KAZN: variants seen among roughly 807,000 people sequenced by gnomAD.
KAZN encodes kazrin, periplakin interacting protein.
Under a neutral mutation model 87.4 loss-of-function variants are expected in KAZN, and 40 were observed. The observed-to-expected ratio is 0.46, with a 90% confidence interval of 0.36 to 0.60. The LOEUF (loss-of-function observed/expected upper bound fraction) is 0.60. KAZN is among the 20% of genes least tolerant of loss of function. The probability of loss-of-function intolerance (pLI) is 0.00; values close to 1 mark genes in which losing one functional copy is unlikely to be tolerated. For missense variants in KAZN, 898 were observed against 1,073.9 expected (o/e 0.84, Z 2.29); for synonymous variants, 466 against 458.3 (o/e 1.02, Z -0.22).
chr1:15,062,256 T>C (rs1446581230), intron 6 of KAZN: 1 of 152,572 alleles, frequency 6.6e-6, no homozygotes, highest in Non-Finnish European at 1.5e-5. Flanking sequence ...GTTGTCTGCA[T>C]ACAGGCGTTT....
At chr1:14,203,321 G>T (rs924620401) in intron 2 of KAZN, among the ~76,000 whole-genome samples, 6 of 151,984 alleles carry the variant, frequency 3.9e-5, no homozygotes, top group Admixed American at 2.6e-4. Context: ...ATGGCTTCAG[G>T]GCACAGCCAT....
chr1:15,024,315 G>GGTC (rs1279457011), intron 2 of KAZN, among the ~76,000 whole-genome samples: 1 of 152,234 alleles, frequency 6.6e-6, no homozygotes, highest in East Asian at 1.9e-4. Flanking sequence ...CACACTCAGA[G>GGTC]GTCGTTGGCG....
chr1:14,822,107 G>A (rs773076136), intron 1 of KAZN, among the ~76,000 whole-genome samples: 2 of 152,214 alleles, frequency 1.3e-5, no homozygotes, highest in African/African-American at 2.4e-5. Context: ...CCACAACAGC[G>A]ACCCTTCTTG....
At chr1:14,467,821 C>A (rs1263937650) in intron 2 of KAZN, among the ~76,000 whole-genome samples, 1 of 152,116 alleles carries the variant, frequency 6.6e-6, no homozygotes, top group African/African-American at 2.4e-5. Context: ...CTCATGATGG[C>A]CCCCAGAAGC....
intron 1 of KAZN, among the ~76,000 whole-genome samples, chr1:14,726,669 A>G (rs1277311088): frequency 1.3e-5 from 2 of 152,018 alleles, no homozygotes; most frequent in Non-Finnish European, 2.9e-5. Flanking sequence ...TGCAATTCCT[A>G]GAAGGTCAGA....
intron 1 of KAZN, among the ~76,000 whole-genome samples, chr1:14,866,315 C>T (rs1247502098): frequency 6.6e-6 from 1 of 152,212 alleles, no homozygotes. Flanking sequence ...AAGCAAGCAT[C>T]CCGATCTCCC....
intron 2 of KAZN, among the ~76,000 whole-genome samples, chr1:14,271,365 T>C (rs1651912782): frequency 6.6e-6 from 1 of 152,222 alleles, no homozygotes; most frequent in African/African-American, 2.4e-5. Flanking sequence ...GCTTATACAC[T>C]GTGAGGCTGT....
At chr1:15,059,514 T>C (rs1638595924) in intron 5 of KAZN, among the ~76,000 whole-genome samples, 1 of 151,996 alleles carries the variant, frequency 6.6e-6, no homozygotes, top group African/African-American at 2.4e-5. Context: ...TGGCCCATGC[T>C]CTGGTGTGTA....
At position 14,053,080 on chromosome 1, in the gene KAZN, T is replaced by C. The variant is rs1327693757; in HGVS notation, c.92-127355T>C. 2.6e-5 allele frequency among the ~76,000 whole-genome samples: 4 copies of C among 152,220 alleles called. No homozygotes were observed. The East Asian group carries it at 5.8e-4, about 22-fold the overall frequency. On this transcript the variant is annotated intron_variant, in intron 1 of 16. Coordinates refer to the KAZN transcript ENST00000636203. The stretch of plus-strand genomic sequence containing the variant: ...GTGGTGGGATGCCACCCCGTGAGTC[T>C]GTGATGTTACATGGCAGTGGTCACG...
At chr1:14,107,973 T>C (rs1644415479) in intron 1 of KAZN, among the ~76,000 whole-genome samples, 1 of 152,156 alleles carries the variant, frequency 6.6e-6, no homozygotes, top group Non-Finnish European at 1.5e-5. Flanking sequence ...GTGAGGGGAT[T>C]GTGCAAGATT....
chr1:14,540,065 C>T (rs773973890), intron 2 of KAZN, among the ~76,000 whole-genome samples: 7 of 152,100 alleles, frequency 4.6e-5, no homozygotes, highest in African/African-American at 7.2e-5. Context: ...CCAAAGGAGA[C>T]GAAATTGCTT....
chr1:14,304,488 T>A (rs1654780260), intron 2 of KAZN: 1 of 396,210 alleles, frequency 2.5e-6, no homozygotes. Flanking sequence ...TAAGCTTCAA[T>A]GAGCAACTGG....
intron 1 of KAZN, among the ~76,000 whole-genome samples, chr1:13,987,280 C>T (rs900314938): frequency 3.3e-5 from 5 of 152,054 alleles, no homozygotes; most frequent in African/African-American, 7.2e-5. Flanking sequence ...TTTTAAGCCC[C>T]GCATGCATCA....
At chr1:14,885,682 G>A (rs115686357) in intron 1 of KAZN, among the ~76,000 whole-genome samples, 12 of 151,946 alleles carry the variant, frequency 7.9e-5, no homozygotes, top group African/African-American at 1.9e-4. Flanking sequence ...AAGCAGTACC[G>A]TGTAAGCAAG....
intron 1 of KAZN, among the ~76,000 whole-genome samples, chr1:14,668,218 AG>A (rs1369840053): frequency 8.5e-5 from 13 of 152,206 alleles, no homozygotes; most frequent in African/African-American, 1.2e-4. Context: ...TGCAAATAGA[AG>A]GCCCTTGAAT....
At chr1:14,896,968 G>A (rs1245592606) in intron 1 of KAZN, among the ~76,000 whole-genome samples, 2 of 152,080 alleles carry the variant, frequency 1.3e-5, no homozygotes, top group Non-Finnish European at 2.9e-5. Context: ...CAATTTAAAT[G>A]TTTTCATCTG....
At chr1:14,916,478 T>G (rs1657833664) in intron 1 of KAZN, among the ~76,000 whole-genome samples, 1 of 152,160 alleles carries the variant, frequency 6.6e-6, no homozygotes, top group African/African-American at 2.4e-5. Flanking sequence ...ACACCCAGTC[T>G]ATTCTTTTAA....
chr1:14,389,663 C>T (rs1022622569), intron 2 of KAZN, among the ~76,000 whole-genome samples: 4 of 151,900 alleles, frequency 2.6e-5, no homozygotes, highest in Non-Finnish European at 2.9e-5. Flanking sequence ...CAATTTAACT[C>T]ATGGAGATAG....
At chr1:14,728,287 TATAAAAAAAAAAAA>T (rs1014636296) in intron 1 of KAZN, among the ~76,000 whole-genome samples, 9 of 70,424 alleles carry the variant, frequency 1.3e-4, no homozygotes, top group Non-Finnish European at 2.4e-4. Flanking sequence ...ACACCGTATA[TATAAAAAAAAAAAA>T]AAAAAAAAAA....
Sources: gnomAD v4.1 joint callset for allele counts (sites outside exome capture counted in the v4.1 genomes callset) on GRCh38, gnomAD v4.1.1 for gene constraint, MANE v1.5 for transcripts, NCBI Gene and HGNC (gene_info 2026-07-23, HGNC 2026-07-21) for gene names.